PROCR: variants seen among roughly 807,000 people sequenced by gnomAD.
PROCR encodes endothelial protein C receptor.
In PROCR, 22 loss-of-function variants were observed where a neutral mutation model predicts 24.2. That is an observed-to-expected ratio of 0.91 (90% confidence interval 0.65 to 1.30). The LOEUF (loss-of-function observed/expected upper bound fraction) is 1.30, where lower values mean the gene tolerates loss of function less well. Among genes scored for constraint, PROCR ranks in the 50% most tolerant of loss-of-function variants. PROCR has a pLI of 0.00. For missense variants in PROCR, 288 were observed against 307.7 expected, an observed-to-expected ratio of 0.94 and a Z score of 0.48; for synonymous variants, 137 against 139.2, an observed-to-expected ratio of 0.98 and a Z score of 0.11.
intron 1 of PROCR, among the ~76,000 whole-genome samples, chr20:35,205,055 C>T (rs1010012606): frequency 5.9e-5 from 9 of 151,912 alleles, no homozygotes; most frequent in Non-Finnish European, 1.3e-4. Flanking sequence ...GGCAGATCAC[C>T]TGAGGTCAAG....
In PROCR at chr20:35,177,328, TTAA is replaced by T. The variant is rs1381998781; in HGVS notation, c.*521_*523del. ...ATGGCAGTGATCAATTATTAATCAA[TTAA>T]TAATATTAATAAATTTCTTATATTT... On this transcript the variant is annotated 3_prime_UTR_variant, in exon 4 of 4. Coordinates refer to ENST00000216968, the MANE Select transcript of PROCR (RefSeq NM_006404.5). 1 of 980,554 alleles carries T rather than the reference TTAA, an allele frequency of 1.0e-6. No homozygotes were observed. Among genetic ancestry groups the T allele is most frequent in the Admixed American group, 6.1e-5 (1 of 16,306 alleles). 60.7% of individuals were successfully genotyped at this position (980,554 alleles called of 1,614,324 possible). A position where few individuals can be genotyped will look rare whatever the true frequency, so the allele number is the denominator to read the frequency against.
chr20:35,186,767 T>C (rs1000524478), intron 1 of PROCR, among the ~76,000 whole-genome samples: 10 of 150,762 alleles, frequency 6.6e-5, no homozygotes, highest in Non-Finnish European at 1.3e-4. Context: ...GCTAACATGG[T>C]GAAACCCTGT....
chr20:35,195,281 GA>G (rs951831483), intron 1 of PROCR: 65 of 152,178 alleles, frequency 4.3e-4, no homozygotes, highest in African/African-American at 1.5e-3. Flanking sequence ...AGATCATAGA[GA>G]AAAAAATATT....
At chr20:35,174,597 G>A (rs1472629706) in intron 1 of PROCR, 105 bp from the exon 2 acceptor site, 3 of 1,414,060 alleles carry the variant, frequency 2.1e-6, no homozygotes, top group Non-Finnish European at 3.0e-6. Flanking sequence ...AGTTTATGAA[G>A]GGTCGAGAAG....
At chr20:35,207,392 G>GTGTATATATATA (rs1555791832) in intron 1 of PROCR, among the ~76,000 whole-genome samples, 3 of 146,032 alleles carry the variant, frequency 2.1e-5, no homozygotes, top group African/African-American at 5.1e-5. Flanking sequence ...GTATGTTTGT[G>GTGTATATATATA]TATATATATA....
intron 1 of PROCR, among the ~76,000 whole-genome samples, chr20:35,172,428 G>C (rs1005055784): frequency 2.6e-5 from 4 of 152,040 alleles, no homozygotes; most frequent in African/African-American, 9.7e-5. Context: ...CCCTGAAAAG[G>C]GGGAGATGAA....
At chr20:35,213,407 A>G (rs2060369432) in intron 1 of PROCR, among the ~76,000 whole-genome samples, 1 of 152,118 alleles carries the variant, frequency 6.6e-6, no homozygotes, top group Non-Finnish European at 1.5e-5. Context: ...GAATTGGGTC[A>G]TAGGTCTTTT....
intron 1 of PROCR, among the ~76,000 whole-genome samples, chr20:35,214,260 G>T (rs62211513): frequency 2.0e-5 from 3 of 151,930 alleles, no homozygotes; most frequent in Non-Finnish European, 4.4e-5. Flanking sequence ...TCTTTTTTCC[G>T]ATTATTACAC....
At chr20:35,210,545 T>C (rs1038300397) in intron 1 of PROCR, among the ~76,000 whole-genome samples, 5 of 152,102 alleles carry the variant, frequency 3.3e-5, no homozygotes, top group African/African-American at 1.2e-4. Flanking sequence ...AGACCCTGTC[T>C]CAAAACAAAC....
chr20:35,186,129 A>G (rs2086123807), intron 1 of PROCR, among the ~76,000 whole-genome samples: 1 of 152,244 alleles, frequency 6.6e-6, no homozygotes, highest in Non-Finnish European at 1.5e-5. Context: ...TCACAGAAGC[A>G]TTATTCCTAA....
chr20:35,189,940 T>G (rs1426681672), intron 1 of PROCR, among the ~76,000 whole-genome samples: 3 of 152,242 alleles, frequency 2.0e-5, no homozygotes. Context: ...CACCTTACTT[T>G]ACTGATAATA....
At chr20:35,192,783 TG>T (rs2086184890) in intron 1 of PROCR, among the ~76,000 whole-genome samples, 1 of 152,166 alleles carries the variant, frequency 6.6e-6, no homozygotes, top group African/African-American at 2.4e-5. Flanking sequence ...GAAAGGGAGC[TG>T]GAACTTAAAG....
intron 1 of PROCR, among the ~76,000 whole-genome samples, chr20:35,182,916 G>C (rs1031298419): frequency 2.0e-5 from 3 of 148,036 alleles, no homozygotes; most frequent in Non-Finnish European, 4.5e-5. Flanking sequence ...AGATGTTGCA[G>C]TGAGTTGAGA....
At chr20:35,189,698 A>C (rs1364198503) in intron 1 of PROCR, among the ~76,000 whole-genome samples, 1 of 152,064 alleles carries the variant, frequency 6.6e-6, no homozygotes, top group Non-Finnish European at 1.5e-5. Context: ...CCAGCTTTAA[A>C]ATTTCTCTCT....
chr20:35,186,678 G>A (rs1600741618), intron 1 of PROCR, among the ~76,000 whole-genome samples: 1 of 151,978 alleles, frequency 6.6e-6, no homozygotes, highest in African/African-American at 2.4e-5. Context: ...ACCAGGCACA[G>A]TGGCTCATGC....
Position 35,172,147 on chromosome 20 carries a change from A to C in PROCR, c.-8A>C. 6.2e-7 allele frequency: 1 copy of C among 1,614,094 alleles called. No individual in the cohort carries two copies. The highest frequency in any genetic ancestry group is 8.5e-7 in the Non-Finnish European group (1 of 1,180,000). ...CCAGGAACCCAGGTCCGGAGCCTCA[A>C]CTTCAGGATGTTGACAACATTGCTG... On this transcript the variant is annotated 5_prime_UTR_variant, in exon 1 of 4. Transcript: ENST00000216968.
At position 35,177,286 on chromosome 20, in the gene PROCR, T is replaced by C; in HGVS notation, c.*473T>C. The C allele has an allele frequency of 2.0e-6, 2 of 1,003,958 alleles. No homozygotes were observed. Among genetic ancestry groups the C allele is most frequent in the Non-Finnish European group, 2.4e-6 (2 of 839,740 alleles). 62.2% of individuals were successfully genotyped at this position (1,003,958 alleles called of 1,614,324 possible). A position where few individuals can be genotyped will look rare whatever the true frequency, so the allele number is the denominator to read the frequency against. On this transcript the variant is annotated 3_prime_UTR_variant, in exon 4 of 4. Coordinates refer to ENST00000216968, the MANE Select transcript of PROCR (RefSeq NM_006404.5). ...AAGTAACACGAAGAAGTGGTGGAAA[T>C]GTAAAATCCAAGTCATATGGCAGTG...
At chr20:35,185,870 T>C (rs910390612) in intron 1 of PROCR, among the ~76,000 whole-genome samples, 5 of 151,952 alleles carry the variant, frequency 3.3e-5, no homozygotes, top group Admixed American at 1.3e-4. Context: ...CGATAACTTA[T>C]GGAAAAATAA....
intron 1 of PROCR, among the ~76,000 whole-genome samples, chr20:35,184,363 C>T (rs751595505): frequency 1.1e-4 from 16 of 152,106 alleles, no homozygotes; most frequent in Non-Finnish European, 1.6e-4. Flanking sequence ...GGTAGAAGAA[C>T]GAAACTGGAT....
Sources: gnomAD v4.1 joint callset for allele counts (sites outside exome capture counted in the v4.1 genomes callset) on GRCh38, gnomAD v4.1.1 for gene constraint, MANE v1.5 for transcripts, NCBI Gene and HGNC (gene_info 2026-07-23, HGNC 2026-07-21) for gene names.